TRAF3IP2: variants seen among roughly 807,000 people sequenced by gnomAD.
The protein encoded by TRAF3IP2 is TRAF3 interacting protein 2.
A neutral mutation model predicts 57.9 loss-of-function variants in TRAF3IP2; 35 were observed. That is an observed-to-expected ratio of 0.60 (90% CI 0.46 to 0.80). The LOEUF (loss-of-function observed/expected upper bound fraction) is 0.80, where lower values mean the gene tolerates loss of function less well. TRAF3IP2 is among the 30% of genes least tolerant of loss of function. The pLI, the probability that TRAF3IP2 is intolerant of heterozygous loss-of-function variation, is 0.00. For synonymous variants in TRAF3IP2, 251 were observed against 268.9 expected (o/e 0.93, Z 0.65); for missense variants, 556 against 706.4 (o/e 0.79, Z 2.41).
chr6:111,567,463 CT>C, intron 6 of TRAF3IP2, 160 bp downstream of exon 6: 1 of 1,311,374 alleles, frequency 7.6e-7, no homozygotes, highest in Non-Finnish European at 9.8e-7. Flanking sequence ...TCCGTCCTTC[CT>C]TTCCAAGTCT....
At chr6:111,602,493 G>A (rs966177765) in intron 1 of TRAF3IP2, among the ~76,000 whole-genome samples, 3 of 152,042 alleles carry the variant, frequency 2.0e-5, no homozygotes, top group African/African-American at 4.8e-5. Context: ...GAAGGAGAAC[G>A]GAAGAGAAGT....
chr6:111,587,494 ATCTGCCCTCC>A (rs1399233203), intron 2 of TRAF3IP2, among the ~76,000 whole-genome samples: 4 of 152,094 alleles, frequency 2.6e-5, no homozygotes, highest in Non-Finnish European at 4.4e-5. Context: ...ACCTCAAGTG[ATCTGCCCTCC>A]TCTGCCTCCC....
At chr6:111,569,843 G>C (rs1264210279) in intron 5 of TRAF3IP2, among the ~76,000 whole-genome samples, 1 of 152,142 alleles carries the variant, frequency 6.6e-6, no homozygotes, top group Admixed American at 6.5e-5. Context: ...GGACATCCTG[G>C]GTGGTGCAAT....
chr6:111,559,963 C>G (rs1435567137), intron 8 of TRAF3IP2, among the ~76,000 whole-genome samples: 1 of 152,208 alleles, frequency 6.6e-6, no homozygotes, highest in East Asian at 1.9e-4. Flanking sequence ...CCAGGTCTGG[C>G]CTGCAGTAGA....
chr6:111,602,919 C>T (rs1010550186), intron 1 of TRAF3IP2, among the ~76,000 whole-genome samples: 3 of 152,128 alleles, frequency 2.0e-5, no homozygotes, highest in Non-Finnish European at 4.4e-5. Context: ...GCTGGGAGCT[C>T]CGGTCAGTCC....
In TRAF3IP2 at chr6:111,559,212, C is replaced by T. The variant is rs1299376136; in HGVS notation, c.*193G>A. Reference sequence around the variant, plus strand: ...GAGAATGCAGAGCAGTCACAGACTCCACTTCAAAGCCAGGGTGTGTGGAGG... The same window carrying T: ...GAGAATGCAGAGCAGTCACAGACTCTACTTCAAAGCCAGGGTGTGTGGAGG... On this transcript the variant is annotated 3_prime_UTR_variant, in exon 9 of 9. Transcript: ENST00000368761. 1 of 643,814 alleles carries T rather than the reference C, an allele frequency of 1.6e-6. No individual in the cohort carries two copies. The highest frequency in any genetic ancestry group is 2.5e-6 in the Non-Finnish European group (1 of 394,376). 39.9% of individuals were successfully genotyped at this position (643,814 alleles called of 1,614,324 possible).
At chr6:111,568,510 CGA>C (rs1461772507) in intron 5 of TRAF3IP2, among the ~76,000 whole-genome samples, 1 of 145,688 alleles carries the variant, frequency 6.9e-6, no homozygotes, top group Non-Finnish European at 1.5e-5. Flanking sequence ...TGTGTGTTTA[CGA>C]GATGCTCTTG....
chr6:111,601,049 G>A (rs555252572), intron 1 of TRAF3IP2: 11 of 547,766 alleles, frequency 2.0e-5, no homozygotes, highest in South Asian at 5.7e-5. Context: ...AAATATAAGC[G>A]GTTTGGCACC....
intron 4 of TRAF3IP2, chr6:111,573,839 T>C (rs1484309796): frequency 6.6e-6 from 1 of 152,202 alleles, no homozygotes; most frequent in Non-Finnish European, 1.5e-5. Context: ...CAGGAAGCCC[T>C]TGGGGCAGAA....
At chr6:111,573,988 C>G (rs1250136322) in intron 4 of TRAF3IP2, 1 of 152,178 alleles carries the variant, frequency 6.6e-6, no homozygotes, top group Non-Finnish European at 1.5e-5. Flanking sequence ...AGATGGCACT[C>G]AATTTTCTTC....
In TRAF3IP2 at chr6:111,566,426, G is replaced by A; in HGVS notation, c.1476+18C>T. 2 of 1,583,960 alleles carry A rather than the reference G, an allele frequency of 1.3e-6. No individual in the cohort carries two copies. The highest frequency in any genetic ancestry group is 1.7e-6 in the Non-Finnish European group (2 of 1,153,504). On this transcript the variant is annotated intron_variant, in intron 7 of 8. Coordinates refer to ENST00000368761, the MANE Select transcript of TRAF3IP2 (RefSeq NM_147686.4). ...TCCCCAGGGGACAGTGAGGTGTTGT[G>A]ATCCCCTCCCCACTCACCATTCGAT...
intron 1 of TRAF3IP2, among the ~76,000 whole-genome samples, chr6:111,595,059 C>T (rs1196337709): frequency 2.0e-5 from 3 of 152,200 alleles, no homozygotes; most frequent in African/African-American, 7.2e-5. Context: ...TGGTGAAACC[C>T]TGTCTCTACT....
Position 111,580,239 on chromosome 6 carries a change from G to A in TRAF3IP2, c.980C>T (p.Pro327Leu), listed in dbSNP as rs1339488111. The A allele has an allele frequency of 6.2e-7, 1 of 1,613,086 alleles. No homozygotes were observed. Among genetic ancestry groups the A allele is most frequent in the African/African-American group, 1.3e-5 (1 of 74,902 alleles). The stretch of plus-strand genomic sequence containing the variant: ...CGGAAAGGAGCAGTCTCTCTGTGCG[G>A]GCCTCTCTTCGTGGTCCCAGGGGCT... ...YPSPWDHEER[P>L]AQRDCSFPGL... Residue 327 changes from proline (P) to leucine (L), a missense_variant, in exon 3 of 9, where the codon CCC (proline) becomes CTC (leucine). Coordinates refer to ENST00000368761, the MANE Select transcript of TRAF3IP2 (RefSeq NM_147686.4).
chr6:111,587,927 CTTGT>C (rs1203970101), intron 2 of TRAF3IP2, among the ~76,000 whole-genome samples: 5 of 152,244 alleles, frequency 3.3e-5, no homozygotes, highest in African/African-American at 1.2e-4. Context: ...TTTGTATATG[CTTGT>C]TTAATGTTTC....
chr6:111,555,738 C>G lies in TRAF3IP2; in HGVS notation c.*3667G>C, dbSNP rs1358317306. On this transcript the variant is annotated 3_prime_UTR_variant, in exon 9 of 9. Transcript: ENST00000368761. ...CCCAAAAATATCTAAAGATGAATGCCTGAGGACCAGCATAACATCTAAATC... is the reference window on the plus strand; with the variant it reads ...CCCAAAAATATCTAAAGATGAATGCGTGAGGACCAGCATAACATCTAAATC... Among the ~76,000 whole-genome samples the G allele has an allele frequency of 6.6e-6, 1 of 152,186 alleles. No homozygotes were observed. The highest frequency in any genetic ancestry group is 1.5e-5 in the Non-Finnish European group (1 of 68,036).
Position 111,592,066 on chromosome 6 carries a change from C to T in TRAF3IP2, c.21G>A (p.Val7=). The T allele has an allele frequency of 6.2e-7, 1 of 1,614,008 alleles. No homozygotes were observed. Among genetic ancestry groups the T allele is most frequent in the East Asian group, 2.2e-5 (1 of 44,880 alleles). The change falls in exon 2 of 9, where the codon GTG becomes GTA. Residue 7 remains valine, a synonymous_variant. Transcript: ENST00000368761. The part of the protein sequence containing the change: MNRSIP[V]EVDESEPYPS... Reference sequence around the variant, plus strand: ...GGTATGGTTCTGATTCATCAACCTCCACAGGAATGCTTCGGTTCATTCTAG... The same window carrying T: ...GGTATGGTTCTGATTCATCAACCTCTACAGGAATGCTTCGGTTCATTCTAG...
chr6:111,566,784 T>C (rs945589229), intron 6 of TRAF3IP2, among the ~76,000 whole-genome samples: 47 of 152,282 alleles, frequency 3.1e-4, no homozygotes, highest in African/African-American at 1.1e-3. Context: ...CTCAAATAGA[T>C]GTGCTTTTGC....
At position 111,591,896 on chromosome 6, in the gene TRAF3IP2, T is replaced by A. The variant is rs149246847; in HGVS notation, c.191A>T (p.His64Leu). The change falls in exon 2 of 9, where the codon CAC becomes CTC. Residue 64 changes from histidine to leucine, a missense_variant. Transcript: ENST00000368761. The surrounding 1 kb of genome is among the most constrained non-coding windows in gnomAD (Gnocchi z 4.9). ...GTGATTTGCAAGTTTCAGGGTTGAG[T>A]GAGCTTGAGAAAAGTCTCCGGAGGA... is the stretch of plus-strand genomic sequence containing the variant. ...HNSSGDFSQA[H>L]STLKLANHQR... is the part of the protein sequence containing the mutation. 1.9e-6 allele frequency: 3 copies of A among 1,614,068 alleles called. No individual in the cohort carries two copies. The highest frequency in any genetic ancestry group is 1.3e-5 in the African/African-American group (1 of 74,908).
At chr6:111,563,897 C>G (rs1400208624) in intron 7 of TRAF3IP2, among the ~76,000 whole-genome samples, 1 of 152,210 alleles carries the variant, frequency 6.6e-6, no homozygotes, top group African/African-American at 2.4e-5. Context: ...ACCAAGAACT[C>G]TCTCAAAAAT....
Sources: allele counts gnomAD v4.1 joint callset (sites outside exome capture counted in the v4.1 genomes callset), GRCh38; gene constraint gnomAD v4.1.1; non-coding constraint Gnocchi (gnomAD v3.1); transcripts MANE v1.5; gene names NCBI Gene and HGNC (gene_info 2026-07-23, HGNC 2026-07-21).